The following NLRP7 variants were observed in gnomAD, a reference collection of about 807,000 sequenced individuals.
NLRP7 encodes the protein NACHT, LRR and PYD domains-containing protein 7.
A neutral mutation model predicts 85.5 loss-of-function variants in NLRP7; 72 were observed. The ratio of observed to expected loss-of-function variants is 0.84; its 90% CI spans 0.70 to 1.02. The LOEUF (loss-of-function observed/expected upper bound fraction) is 1.02, where lower values mean the gene tolerates loss of function less well. Among genes scored for constraint, NLRP7 ranks in the 50% least tolerant of loss-of-function variants. The pLI, the probability that NLRP7 is intolerant of heterozygous loss-of-function variation, is 0.00. For synonymous variants in NLRP7, 550 were observed against 505.2 expected (o/e 1.09, Z -1.19); for missense variants, 1,243 against 1,219.5 (o/e 1.02, Z -0.29).
intron 1 of NLRP7, among the ~76,000 whole-genome samples, chr19:54,946,942 A>G (rs112580046): frequency 0.079 from 11,990 of 151,884 alleles, 577 homozygotes; most frequent in African/African-American, 0.13. Flanking sequence ...GCCTGGCCTT[A>G]TATTTTTTTG....
chr19:54,926,039 G>A (rs566041902), intron 9 of NLRP7, among the ~76,000 whole-genome samples: 20 of 149,652 alleles, frequency 1.3e-4, no homozygotes, highest in African/African-American at 2.2e-4. Context: ...GACAGACTCC[G>A]TCTCAAAAAA....
chr19:54,962,806 A>AG lies in NLRP7; in HGVS notation c.-77+3233dup, dbSNP rs1287260895. On this transcript the variant is annotated intron_variant, in intron 1 of 2. Coordinates refer to the NLRP7 transcript ENST00000587103. ...AGTAGAGACGGGGTTTCACCGTGTT[A>AG]GCCAGGATGGTCTCCATCTCCTGAC... 3.4e-5 allele frequency among the ~76,000 whole-genome samples: 5 copies of AG among 146,910 alleles called. 1 individual carries two copies. The highest frequency in any genetic ancestry group is 1.2e-4 in the African/African-American group (5 of 40,220).
upstream of NLRP7, among the ~76,000 whole-genome samples, chr19:54,949,939 C>CA (rs2069615442): frequency 6.6e-6 from 1 of 151,922 alleles, no homozygotes; most frequent in Non-Finnish European, 1.5e-5. Context: ...CCTGGCTCTA[C>CA]AAAAAATAAA....
intron 1 of NLRP7, among the ~76,000 whole-genome samples, chr19:54,943,963 G>T (rs976150256): frequency 6.6e-6 from 1 of 152,100 alleles, no homozygotes; most frequent in South Asian, 2.1e-4. Flanking sequence ...AAGGCAGCAT[G>T]CTTGTTAAAA....
chr19:54,963,887 C>A (rs1288506808), intron 1 of NLRP7, among the ~76,000 whole-genome samples: 1 of 142,850 alleles, frequency 7.0e-6, no homozygotes, highest in Non-Finnish European at 1.5e-5. Flanking sequence ...CAACTTTTTT[C>A]TTTTTTTTTT....
intron 1 of NLRP7, among the ~76,000 whole-genome samples, chr19:54,958,781 A>G (rs897031130): frequency 8.2e-6 from 1 of 122,424 alleles, no homozygotes; most frequent in Admixed American, 7.3e-5. Flanking sequence ...AGCTGGGAGC[A>G]TCGGCAAGCT....
exon 4 of NLRP7, chr19:54,940,057 G>A: frequency 6.2e-6 from 10 of 1,614,160 alleles, no homozygotes; most frequent in Non-Finnish European, 6.8e-6. Context: ...GCTCATCAAG[G>A]CCATCGACCA....
intron 6 of NLRP7, among the ~76,000 whole-genome samples, chr19:54,935,757 C>T (rs1209686444): frequency 6.6e-6 from 1 of 151,436 alleles, no homozygotes; most frequent in Non-Finnish European, 1.5e-5. Context: ...CTTATGAATA[C>T]CTAACTCCTG....
At chr19:54,935,560 G>C (rs1450806412) in intron 6 of NLRP7, among the ~76,000 whole-genome samples, 1 of 148,882 alleles carries the variant, frequency 6.7e-6, no homozygotes, top group Admixed American at 6.7e-5. Flanking sequence ...GCCAGGCGTG[G>C]TGGTGCACGC....
In NLRP7 at chr19:54,923,823, C is replaced by G. The variant is rs540923289; in HGVS notation, c.2860G>C (p.Val954Leu). The G allele has an allele frequency of 1.9e-6, 3 of 1,614,038 alleles. No individual in the cohort carries two copies. In the East Asian group the frequency reaches 6.7e-5, roughly 36 times the overall value. Residue 954 changes from valine to leucine, a missense_variant, in exon 10 of 10, where the codon GTG (valine) becomes CTG (leucine). Transcript: ENST00000340844. ...GTCAGCTTGGGATTCTTTTCTTTCA[C>G]TTCCTCCAACAGCTTCTTGATTTCC... is the stretch of plus-strand genomic sequence containing the variant.
rs1233570221 is a variant in NLRP7, at chr19:54,934,321, C to T, written c.2471+168G>A. Among the ~76,000 whole-genome samples, 2 of 152,276 alleles carry T rather than the reference C, an allele frequency of 1.3e-5. No individual in the cohort carries two copies. The highest frequency in any genetic ancestry group is 1.9e-4 in the East Asian group (1 of 5,176). ...CGAACTCCTGAACTCAGATGATCCG[C>T]CCACCTCTCTGCTGAGATTACAGGC... On this transcript the variant is annotated intron_variant, in intron 7 of 9. Transcript: ENST00000340844. The surrounding 1 kb of genome is among the most constrained non-coding windows in gnomAD (Gnocchi z 6.7).
rs146297435 is a variant in NLRP7 at position 54,934,024 on chromosome 19, A to G, written c.2472-285T>C. Among the ~76,000 whole-genome samples the G allele has an allele frequency of 8.6e-3, 1,308 of 152,236 alleles. 20 individuals carry two copies. Among genetic ancestry groups the G allele is most frequent in the African/African-American group, 0.029 (1,198 of 41,556 alleles). ...GTGGCGCGATCTCGGTTCACTGCCA[A>G]TCGCCGCCTCCCAGGTTTACACCAT... On this transcript the variant is annotated intron_variant, in intron 7 of 9. Coordinates refer to ENST00000340844, the Ensembl canonical transcript of NLRP7. The surrounding 1 kb of genome is among the most constrained non-coding windows in gnomAD (Gnocchi z 6.7).
chr19:54,941,236 G>A (rs1277277064), intron 2 of NLRP7, among the ~76,000 whole-genome samples, 199 bp downstream of exon 2: 2 of 151,436 alleles, frequency 1.3e-5, no homozygotes, highest in Non-Finnish European at 2.9e-5. Flanking sequence ...CAGGTGTGGT[G>A]AAACACGCCT....
exon 4 of NLRP7, chr19:54,939,134 G>A: frequency 1.9e-6 from 3 of 1,614,188 alleles, no homozygotes; most frequent in Non-Finnish European, 2.5e-6. Context: ...CACGGATAAG[G>A]GCTTATTTGC....
At chr19:54,938,737 G>C in intron 4 of NLRP7, 151 bp downstream of exon 4, 1 of 883,804 alleles carries the variant, frequency 1.1e-6, no homozygotes. Flanking sequence ...AAAATAAAAA[G>C]CCCCAATTCC....
At chr19:54,935,609 C>T (rs1426613752) in intron 6 of NLRP7, among the ~76,000 whole-genome samples, 1 of 151,356 alleles carries the variant, frequency 6.6e-6, no homozygotes, top group East Asian at 2.0e-4. Context: ...GGCAGAACTG[C>T]TTGAACCCAG....
intron 1 of NLRP7, among the ~76,000 whole-genome samples, chr19:54,957,630 C>T (rs1004412279): frequency 8.5e-5 from 13 of 152,178 alleles, no homozygotes; most frequent in Middle Eastern, 3.4e-3. Flanking sequence ...CAGGCGTGAG[C>T]CACTGCACCC....
chr19:54,941,615 G>A, exon 2 of NLRP7: 3 of 1,613,994 alleles, frequency 1.9e-6, no homozygotes, highest in Non-Finnish European at 2.5e-6. Context: ...TCTTCGAGGG[G>A]AAAAGCCCAT....
chr19:54,964,407 G>A (rs1345951872), intron 1 of NLRP7, among the ~76,000 whole-genome samples: 9 of 150,332 alleles, frequency 6.0e-5, no homozygotes, highest in African/African-American at 1.7e-4. Context: ...TAGTAGAGAC[G>A]GGGTTTCACC....
Sources: allele counts gnomAD v4.1 joint callset (sites outside exome capture counted in the v4.1 genomes callset), GRCh38; gene constraint gnomAD v4.1.1; non-coding constraint Gnocchi (gnomAD v3.1); transcripts MANE v1.5; gene names NCBI Gene and HGNC (gene_info 2026-07-23, HGNC 2026-07-21).